The following ABCA8 variants were observed in gnomAD, a reference collection of about 807,000 sequenced individuals.
ABCA8 encodes ABC-type organic anion transporter ABCA8.
A neutral mutation model predicts 192.3 loss-of-function variants in ABCA8; 177 were observed. The ratio of observed to expected loss-of-function variants is 0.92; its 90% CI spans 0.81 to 1.04. The LOEUF (loss-of-function observed/expected upper bound fraction) is 1.04, where lower values mean the gene tolerates loss of function less well. Ranked by LOEUF, ABCA8 falls within the 50% of genes least tolerant of loss-of-function variation. The pLI, the probability that ABCA8 is intolerant of heterozygous loss-of-function variation, is 0.00. For missense variants in ABCA8, 1,915 were observed against 1,904.8 expected, an observed-to-expected ratio of 1.01 and a Z score of -0.10; for synonymous variants, 642 against 690.2, an observed-to-expected ratio of 0.93 and a Z score of 1.09.
intron 19 of ABCA8, among the ~76,000 whole-genome samples, chr17:68,904,165 G>T (rs534031460): frequency 6.6e-6 from 1 of 151,668 alleles, no homozygotes; most frequent in Non-Finnish European, 1.5e-5. Context: ...ACCTGTAGTC[G>T]CAGCTACTCG....
intron 7 of ABCA8, 87 bp downstream of exon 7, chr17:68,932,201 C>T (rs889034175): frequency 1.9e-6 from 2 of 1,036,030 alleles, no homozygotes; most frequent in South Asian, 1.6e-5. Flanking sequence ...CAGAGCGAGA[C>T]TCCATTTCAA....
intron 5 of ABCA8, 31 bp downstream of exon 5, chr17:68,936,916 TAGAG>T: frequency 1.3e-6 from 2 of 1,516,302 alleles, no homozygotes; most frequent in Non-Finnish European, 1.8e-6. Context: ...ATAATTGAAA[TAGAG>T]AGTAGTGAAA....
chr17:68,941,827 T>G, intron 3 of ABCA8, 112 bp downstream of exon 3: 2 of 675,644 alleles, frequency 3.0e-6, no homozygotes, highest in Non-Finnish European at 5.1e-6. Flanking sequence ...CGTTGCTGTA[T>G]TTTAGTGTTT....
chr17:68,935,251 C>T (rs117772383), intron 5 of ABCA8, among the ~76,000 whole-genome samples: 4,160 of 109,946 alleles, frequency 0.038, 93 homozygotes, highest in South Asian at 0.1. Context: ...GACGCTGCCA[C>T]GCCTGGCTAA....
chr17:68,876,500 G>A lies in ABCA8; in HGVS notation c.4330C>T (p.Pro1444Ser), dbSNP rs1284120664. 6.2e-7 allele frequency: 1 copy of A among 1,613,990 alleles called. No individual in the cohort carries two copies. Among genetic ancestry groups the A allele is most frequent in the East Asian group, 2.2e-5 (1 of 44,856 alleles). Residue 1444 changes from proline to serine, a missense_variant, in exon 35 of 40, where the codon CCG (proline) becomes TCG (serine). Pro to Ser is a moderately conservative substitution (Grantham distance 74, BLOSUM62 -1). Coordinates refer to ENST00000586539, the MANE Select transcript of ABCA8 (RefSeq NM_001288985.2). ...CCCTCGGGGTCCATCCCGGTCGACG[G>A]CTCATCCAGAAGCACCACTGACGGG... ...GNPSVVLLDE[P>S]STGMDPEGQQ...
chr17:68,922,230 T>TAAATTTAAA lies in ABCA8; in HGVS notation c.1501+11_1501+12insTTTAAATTT. 3 of 619,890 alleles carry TAAATTTAAA rather than the reference T, an allele frequency of 4.8e-6. No homozygotes were observed. The highest frequency in any genetic ancestry group is 6.7e-6 in the Non-Finnish European group (3 of 446,136). 38.4% of individuals were successfully genotyped at this position (619,890 alleles called of 1,614,324 possible). A position where few individuals can be genotyped will look rare whatever the true frequency, so the allele number is the denominator to read the frequency against. On this transcript the variant is annotated intron_variant, in intron 12 of 39. Transcript: ENST00000586539. ...TTTTTTTTTTTTTTTTTTTTTTTTT[T>TAAATTTAAA]TTTTTTTTTACCTTTCAAGGCTTCT...
intron 5 of ABCA8, among the ~76,000 whole-genome samples, chr17:68,935,540 C>CTATATATTTATATATA (rs2068040470): frequency 1.1e-5 from 1 of 87,290 alleles, no homozygotes; most frequent in Non-Finnish European, 2.2e-5. Flanking sequence ...AGTAGTATTC[C>CTATATATTTATATATA]TATATATATA....
Position 68,883,809 on chromosome 17 carries a change from C to T in ABCA8, c.3689G>A (p.Arg1230Lys), listed in dbSNP as rs1382132266. The T allele has an allele frequency of 3.1e-6, 5 of 1,589,634 alleles. No homozygotes were observed. The highest frequency in any genetic ancestry group is 4.3e-6 in the Non-Finnish European group (5 of 1,170,162). The change falls in exon 29 of 40, where the codon AGA becomes AAA. Residue 1230 changes from arginine (R) to lysine (K), a missense_variant. Arg to Lys is a conservative substitution (Grantham distance 26). Transcript: ENST00000586539. ...TTCCAACCTAAAGAAAGGATCCTTT[C>T]TCATTGATTTCTTTCCAAACTTCCA... The part of the protein sequence containing the change: ...LEWKFGKKSM[R>K]KDPFFRISPR...
chr17:68,876,678 C>T lies in ABCA8; in HGVS notation c.4225G>A (p.Asp1409Asn), dbSNP rs933545593. The T allele has an allele frequency of 6.2e-7, 1 of 1,614,140 alleles. No homozygotes were observed. Among genetic ancestry groups the T allele is most frequent in the South Asian group, 1.1e-5 (1 of 91,068 alleles). Reference protein sequence around the residue: ...TRLVDALKLQDQLKSPVKTLS... With the variant: ...TRLVDALKLQNQLKSPVKTLS... ...GTCTTCACGGGAGACTTCAGCTGGT[C>T]CTGCAGCTTGAGCGCATCCACTAAC... Residue 1409 changes from aspartate to asparagine, a missense_variant, in exon 34 of 40, where the codon GAC becomes AAC. Transcript: ENST00000586539.
chr17:68,940,443 A>G (rs1305670466), intron 4 of ABCA8, among the ~76,000 whole-genome samples: 1 of 152,090 alleles, frequency 6.6e-6, no homozygotes, highest in African/African-American at 2.4e-5. Flanking sequence ...ATATCCCTAA[A>G]CACTACTGCT....
At position 68,868,376 on chromosome 17, in the gene ABCA8, TA is replaced by T. The variant is rs1567811958; in HGVS notation, c.4712-21del. ...GTTTAACTGCATAGGGATGAACATGTATTAGTTCATATATTTCATATCTAGA... is the reference window on the plus strand; with the variant it reads ...GTTTAACTGCATAGGGATGAACATGTTTAGTTCATATATTTCATATCTAGA... On this transcript the variant is annotated intron_variant, in intron 38 of 39. Coordinates refer to ENST00000586539, the MANE Select transcript of ABCA8 (RefSeq NM_001288985.2). The T allele has an allele frequency of 1.3e-6, 2 of 1,595,054 alleles. No individual in the cohort carries two copies. The highest frequency in any genetic ancestry group is 2.2e-5 in the East Asian group (1 of 44,782).
chr17:68,875,159 C>A lies in ABCA8; in HGVS notation c.4631+101G>T, dbSNP rs2066165597. 3 of 1,494,334 alleles carry A rather than the reference C, an allele frequency of 2.0e-6. No individual in the cohort carries two copies. In the South Asian group the frequency reaches 3.8e-5, roughly 19 times the overall value. 92.6% of individuals were successfully genotyped at this position (1,494,334 alleles called of 1,614,324 possible). On this transcript the variant is annotated intron_variant, in intron 37 of 39. Transcript: ENST00000586539. Reference sequence around the variant, plus strand: ...CTTCCTGCAGAATCCAACAAATAATCTCTTTCTTTTAGGTTTTCCTTTTGA... The same window carrying A: ...CTTCCTGCAGAATCCAACAAATAATATCTTTCTTTTAGGTTTTCCTTTTGA...
rs1442227725 is a variant in ABCA8, at chr17:68,875,404, G to A, written c.4491-4C>T. 6.2e-7 allele frequency: 1 copy of A among 1,613,870 alleles called. No individual in the cohort carries two copies. The highest frequency in any genetic ancestry group is 8.5e-7 in the Non-Finnish European group (1 of 1,179,976). ...GTGTTGGATGGAACCGATACATCTGGAGGATGAGGTCATATGAGAAAGGAG... is the reference window on the plus strand; with the variant it reads ...GTGTTGGATGGAACCGATACATCTGAAGGATGAGGTCATATGAGAAAGGAG... On this transcript the variant is annotated splice_region_variant and splice_polypyrimidine_tract_variant and intron_variant, in intron 36 of 39. Coordinates refer to ENST00000586539, the MANE Select transcript of ABCA8 (RefSeq NM_001288985.2).
At chr17:68,877,191 C>T (rs2066229544) in intron 33 of ABCA8, 1 of 190,004 alleles carries the variant, frequency 5.3e-6, no homozygotes, top group African/African-American at 2.3e-5. Flanking sequence ...TTGTATTTTT[C>T]TTTTTAATTT....
Position 68,906,041 on chromosome 17 carries a change from T to G in ABCA8, c.2398+3A>C. ...CATAATAATTTTCATGCATTTTATT[T>G]ACCCGATTCATTAATTGTAGATTTT... On this transcript the variant is annotated splice_donor_region_variant and intron_variant, in intron 19 of 39. Transcript: ENST00000586539. The G allele has an allele frequency of 1.0e-5, 16 of 1,581,316 alleles. No individual in the cohort carries two copies. Among genetic ancestry groups the G allele is most frequent in the Non-Finnish European group, 1.3e-5 (15 of 1,165,418 alleles).
intron 19 of ABCA8, among the ~76,000 whole-genome samples, chr17:68,904,174 C>T (rs1243948818): frequency 1.3e-5 from 2 of 151,520 alleles, no homozygotes; most frequent in Non-Finnish European, 2.9e-5. Flanking sequence ...CGCAGCTACT[C>T]GGGAAGCTGA....
chr17:68,871,749 A>T lies in ABCA8; in HGVS notation c.4632-1970T>A, dbSNP rs115118259. Among the ~76,000 whole-genome samples, 354 of 152,322 alleles carry T rather than the reference A, an allele frequency of 2.3e-3. 2 individuals carry two copies. The highest frequency in any genetic ancestry group is 8.3e-3 in the African/African-American group (346 of 41,566). ...TCTATTGCTTAGAGACATCATAGCC[A>T]TGATGACATTATAGCATAACATATT... On this transcript the variant is annotated intron_variant, in intron 37 of 39. Transcript: ENST00000586539.
chr17:68,906,010 C>A, intron 19 of ABCA8, 34 bp downstream of exon 19: 1 of 1,523,762 alleles, frequency 6.6e-7, no homozygotes, highest in Non-Finnish European at 8.8e-7. Flanking sequence ...GAAATATGTG[C>A]TTTTACATAA....
rs184147578 is a variant in ABCA8 at position 68,867,804 on chromosome 17, C to A, written c.*281G>T. 615 of 230,676 alleles carry A rather than the reference C, an allele frequency of 2.7e-3. 1 individual carries two copies. The highest frequency in any genetic ancestry group is 0.016 in the Middle Eastern group (12 of 734). 14.3% of individuals were successfully genotyped at this position (230,676 alleles called of 1,614,324 possible). ...TGTTTATCTTATCTAGAAACTTATA[C>A]GATCATGTAAAAGTAAATTTATTTA... On this transcript the variant is annotated 3_prime_UTR_variant, in exon 40 of 40. Transcript: ENST00000586539.
Sources: allele counts gnomAD v4.1 joint callset (sites outside exome capture counted in the v4.1 genomes callset), GRCh38; gene constraint gnomAD v4.1.1; transcripts MANE v1.5; gene names NCBI Gene and HGNC (gene_info 2026-07-23, HGNC 2026-07-21).